Variants in ARHGAP24 observed in about 807,000 individuals in gnomAD.
ARHGAP24 encodes the protein Rho GTPase activating protein 24.
ARHGAP24 carries 50 observed loss-of-function variants against 76.4 expected under a neutral mutation model. The ratio of observed to expected loss-of-function variants is 0.65; its 90% confidence interval spans 0.52 to 0.83. ARHGAP24 has a LOEUF of 0.83. Ranked by LOEUF, ARHGAP24 falls within the 40% of genes least tolerant of loss-of-function variation. The probability of loss-of-function intolerance (pLI) is 0.00; values close to 1 mark genes in which losing one functional copy is unlikely to be tolerated. For synonymous variants in ARHGAP24, 345 were observed against 323.3 expected, an observed-to-expected ratio of 1.07 and a Z score of -0.72; for missense variants, 930 against 914.2, an observed-to-expected ratio of 1.02 and a Z score of -0.22.
At chr4:85,730,318 C>A (rs1054395110) in intron 3 of ARHGAP24, among the ~76,000 whole-genome samples, 3 of 152,182 alleles carry the variant, frequency 2.0e-5, no homozygotes, top group Non-Finnish European at 4.4e-5. Context: ...GAGTTATTTA[C>A]AAATATTCTG....
chr4:85,739,436 CCTGTTT>C (rs1285904649), intron 3 of ARHGAP24, among the ~76,000 whole-genome samples: 1 of 152,166 alleles, frequency 6.6e-6, no homozygotes, highest in Non-Finnish European at 1.5e-5. Context: ...CTCTCTGTCT[CCTGTTT>C]CTTCTCATGT....
At chr4:85,731,027 C>CACACACAG (rs1363838234) in intron 3 of ARHGAP24, among the ~76,000 whole-genome samples, 1 of 80,626 alleles carries the variant, frequency 1.2e-5, no homozygotes, top group African/African-American at 4.2e-5. Flanking sequence ...CACACACACA[C>CACACACAG]AGAGAGAGAG....
intron 2 of ARHGAP24, among the ~76,000 whole-genome samples, chr4:85,697,816 G>C (rs915958674): frequency 6.6e-5 from 10 of 152,186 alleles, no homozygotes; most frequent in Non-Finnish European, 8.8e-5. Flanking sequence ...GAGGAAGGGA[G>C]ACAGGCAGGA....
At chr4:85,611,216 A>G (rs1720372270) in intron 2 of ARHGAP24, among the ~76,000 whole-genome samples, 1 of 152,222 alleles carries the variant, frequency 6.6e-6, no homozygotes, top group Non-Finnish European at 1.5e-5. Context: ...GCCTAATGTT[A>G]TAGTTTAGTG....
chr4:85,534,202 C>A (rs754764339), intron 1 of ARHGAP24, among the ~76,000 whole-genome samples: 1 of 152,050 alleles, frequency 6.6e-6, no homozygotes, highest in African/African-American at 2.4e-5. Flanking sequence ...GAAGTATTAC[C>A]AGTAAGGAAA....
chr4:85,711,021 T>A (rs1420188550), intron 2 of ARHGAP24, among the ~76,000 whole-genome samples: 1 of 152,002 alleles, frequency 6.6e-6, no homozygotes, highest in Non-Finnish European at 1.5e-5. Context: ...GTAGATTAAA[T>A]AAAGAAAATG....
chr4:85,900,001 A>G (rs1372555250), intron 3 of ARHGAP24, among the ~76,000 whole-genome samples: 3 of 152,246 alleles, frequency 2.0e-5, no homozygotes, highest in Non-Finnish European at 4.4e-5. Context: ...AATATCTACT[A>G]TGTTCTACAA....
chr4:85,731,025 CACAGAGAG>C (rs1304038744), intron 3 of ARHGAP24, among the ~76,000 whole-genome samples: 14 of 83,728 alleles, frequency 1.7e-4, no homozygotes, highest in African/African-American at 5.1e-4. Context: ...CACACACACA[CACAGAGAG>C]AGAGACTGGG....
chr4:85,942,567 T>C (rs1298551122), intron 5 of ARHGAP24: 7 of 314,164 alleles, frequency 2.2e-5, no homozygotes, highest in Non-Finnish European at 5.9e-6. Context: ...ATTTATAAAA[T>C]AGGATTCTTC....
chr4:85,977,752 C>G, intron 8 of ARHGAP24, 61 bp downstream of exon 8: 1 of 1,586,274 alleles, frequency 6.3e-7, no homozygotes, highest in Non-Finnish European at 8.6e-7. Context: ...CTTGACTGGC[C>G]AGAATCTACT....
intron 1 of ARHGAP24, among the ~76,000 whole-genome samples, chr4:85,477,996 A>G (rs1230947341): frequency 1.3e-5 from 2 of 152,096 alleles, no homozygotes. Flanking sequence ...GCCATGTTTC[A>G]GTTTCTGGTA....
intron 1 of ARHGAP24, among the ~76,000 whole-genome samples, chr4:85,519,020 C>T (rs893302231): frequency 7.2e-5 from 11 of 151,974 alleles, no homozygotes; most frequent in Non-Finnish European, 1.2e-4. Flanking sequence ...ACATCCACCC[C>T]AACATACAAA....
chr4:85,853,643 C>T (rs1247947524), intron 3 of ARHGAP24, among the ~76,000 whole-genome samples: 1 of 152,102 alleles, frequency 6.6e-6, no homozygotes, highest in Non-Finnish European at 1.5e-5. Context: ...AAAGAAAAAC[C>T]TGGCCGAGCA....
intron 3 of ARHGAP24, among the ~76,000 whole-genome samples, chr4:85,740,688 T>C (rs184808908): frequency 1.3e-3 from 203 of 152,314 alleles, no homozygotes; most frequent in African/African-American, 4.6e-3. Flanking sequence ...TATCATCATC[T>C]CTCTTCTCGT....
intron 3 of ARHGAP24, among the ~76,000 whole-genome samples, chr4:85,850,186 T>G (rs2110160938): frequency 6.6e-6 from 1 of 152,302 alleles, no homozygotes; most frequent in South Asian, 2.1e-4. Context: ...GGAGGGTGTA[T>G]GTGTCGAGGA....
chr4:85,953,749 G>C (rs1228733014), intron 5 of ARHGAP24, among the ~76,000 whole-genome samples: 2 of 152,104 alleles, frequency 1.3e-5, no homozygotes, highest in Admixed American at 6.5e-5. Flanking sequence ...CAGGCACGAG[G>C]TCAGGGCAGA....
chr4:85,513,927 G>T (rs529492091), intron 1 of ARHGAP24, among the ~76,000 whole-genome samples: 9 of 152,240 alleles, frequency 5.9e-5, no homozygotes, highest in Non-Finnish European at 1.0e-4. Flanking sequence ...CTTGACGACT[G>T]TCATGACAGG....
chr4:85,481,613 T>A (rs1722818831), intron 1 of ARHGAP24, among the ~76,000 whole-genome samples: 1 of 152,182 alleles, frequency 6.6e-6, no homozygotes, highest in South Asian at 2.1e-4. Flanking sequence ...AACCAGACTA[T>A]TTTCTGGTGA....
Position 85,495,094 on chromosome 4 carries a change from C to CAAA in ARHGAP24, c.-21+19553_-21+19555dup, listed in dbSNP as rs77619824. Among the ~76,000 whole-genome samples, 620 of 70,604 alleles carry CAAA rather than the reference C, an allele frequency of 8.8e-3. 9 individuals are homozygous for CAAA. Among genetic ancestry groups the CAAA allele is most frequent in the African/African-American group, 0.025 (545 of 21,638 alleles). The allele number at this position is 70,604 out of a possible 152,430, so 46.3% of individuals were successfully genotyped here. Reference sequence around the variant, plus strand: ...CAGGCGACAGTGCGAGACTCCGTCTCAAAAAAAAAAAAAAAAAAAAGAGTG... The same window carrying CAAA: ...CAGGCGACAGTGCGAGACTCCGTCTCAAAAAAAAAAAAAAAAAAAAAAAGAGTG... On this transcript the variant is annotated intron_variant, in intron 1 of 9. Transcript: ENST00000395184.
Sources: gnomAD v4.1 joint callset for allele counts (sites outside exome capture counted in the v4.1 genomes callset) on GRCh38, gnomAD v4.1.1 for gene constraint, MANE v1.5 for transcripts, NCBI Gene and HGNC (gene_info 2026-07-23, HGNC 2026-07-21) for gene names.